Variants in DDR2 observed in about 807,000 individuals in gnomAD.
DDR2 encodes the protein discoidin domain receptor tyrosine kinase 2, also known as discoidin domain-containing receptor 2.
Under a neutral mutation model 94.9 loss-of-function variants are expected in DDR2, and 27 were observed. That is an observed-to-expected ratio of 0.28 (90% confidence interval 0.21 to 0.39). The LOEUF (loss-of-function observed/expected upper bound fraction) is 0.39, where lower values mean the gene tolerates loss of function less well. Among genes scored for constraint, DDR2 ranks in the 10% least tolerant of loss-of-function variants. The probability of loss-of-function intolerance (pLI) is 1.00; values close to 1 mark genes in which losing one functional copy is unlikely to be tolerated. For synonymous variants in DDR2, 382 were observed against 377.2 expected, an observed-to-expected ratio of 1.01 and a Z score of -0.15; for missense variants, 783 against 1,076.0, an observed-to-expected ratio of 0.73 and a Z score of 3.81.
intron 3 of DDR2, among the ~76,000 whole-genome samples, chr1:162,727,104 A>G (rs1249923886): frequency 6.9e-6 from 1 of 145,228 alleles, no homozygotes; most frequent in Non-Finnish European, 1.5e-5. Context: ...ACATTAAAAT[A>G]TAAACATATA....
intron 1 of DDR2, among the ~76,000 whole-genome samples, chr1:162,653,560 A>G (rs1657807507): frequency 6.7e-6 from 1 of 149,278 alleles, no homozygotes; most frequent in Non-Finnish European, 1.5e-5. Context: ...TCCAGCCTGG[A>G]TGATAGAATG....
intron 2 of DDR2, among the ~76,000 whole-genome samples, chr1:162,676,928 A>G (rs61811970): frequency 0.061 from 9,251 of 152,212 alleles, 350 homozygotes; most frequent in Admixed American, 0.082. Flanking sequence ...TCAGTTTTCT[A>G]TTTTCTTTAT....
At chr1:162,753,030 T>A (rs1418513719) in intron 3 of DDR2, 65 bp from the exon 4 acceptor site, 1 of 1,376,532 alleles carries the variant, frequency 7.3e-7, no homozygotes, top group Non-Finnish European at 1.0e-6. Context: ...ATATTCTTCC[T>A]AGGGGGCTTG....
At chr1:162,667,458 G>A (rs879654000) in intron 2 of DDR2, among the ~76,000 whole-genome samples, 4 of 152,282 alleles carry the variant, frequency 2.6e-5, no homozygotes, top group Admixed American at 2.6e-4. Flanking sequence ...CTGCAATAAA[G>A]CACAAGTCAA....
intron 5 of DDR2, 98 bp downstream of exon 5, chr1:162,754,953 TC>T: frequency 6.7e-7 from 1 of 1,489,552 alleles, no homozygotes; most frequent in Non-Finnish European, 9.3e-7. Flanking sequence ...GATATGTGTG[TC>T]CACAGACCAG....
chr1:162,718,126 G>T (rs1661251572), intron 2 of DDR2, among the ~76,000 whole-genome samples: 1 of 152,120 alleles, frequency 6.6e-6, no homozygotes, highest in South Asian at 2.1e-4. Flanking sequence ...ATTCAATACT[G>T]CTGTTTTTGA....
At chr1:162,657,442 G>A (rs1281414416) in intron 2 of DDR2, among the ~76,000 whole-genome samples, 2 of 152,168 alleles carry the variant, frequency 1.3e-5, no homozygotes, top group Non-Finnish European at 2.9e-5. Flanking sequence ...CATCCAATCT[G>A]GAGAACTAAT....
At chr1:162,634,502 G>GT (rs1557995179) in intron 1 of DDR2, among the ~76,000 whole-genome samples, 2 of 152,232 alleles carry the variant, frequency 1.3e-5, no homozygotes, top group African/African-American at 4.8e-5. Context: ...GGCAGCCCCT[G>GT]TGGTGCTGGG....
intron 2 of DDR2, among the ~76,000 whole-genome samples, chr1:162,671,227 G>T (rs1424848918): frequency 1.3e-5 from 2 of 152,090 alleles, no homozygotes; most frequent in East Asian, 3.9e-4. Flanking sequence ...GACTGGGAAT[G>T]AGTTCCTACT....
In DDR2 at chr1:162,786,260, C is replaced by A. The variant is rs1475532314; in HGVS notation, c.*6014C>A. 1 of 152,132 alleles carries A rather than the reference C, an allele frequency of 6.6e-6. No homozygotes were observed. Among genetic ancestry groups the A allele is most frequent in the Non-Finnish European group, 1.5e-5 (1 of 68,034 alleles). 9.4% of individuals were successfully genotyped at this position (152,132 alleles called of 1,614,324 possible). A position where few individuals can be genotyped will look rare whatever the true frequency, so the allele number is the denominator to read the frequency against. ...TATTCATGATATCCTATTCTTCTACCTTGTTGCCTGGTAACTTTTTCTGAG... is the reference window on the plus strand; with the variant it reads ...TATTCATGATATCCTATTCTTCTACATTGTTGCCTGGTAACTTTTTCTGAG... On this transcript the variant is annotated 3_prime_UTR_variant, in exon 18 of 18. Coordinates refer to ENST00000367921, the MANE Select transcript of DDR2 (RefSeq NM_006182.4).
In DDR2 at chr1:162,775,834, G is replaced by T. The variant is rs765562219; in HGVS notation, c.2039G>T (p.Arg680Leu). 7.1e-5 allele frequency: 114 copies of T among 1,613,762 alleles called. No individual in the cohort carries two copies. The highest frequency in any genetic ancestry group is 8.4e-5 in the Non-Finnish European group (99 of 1,179,966). Residue 680 changes from arginine to leucine, a missense_variant, in exon 15 of 18, where the codon CGC becomes CTC. Around this residue, in one of 2 missense-constraint regions of DDR2, gnomAD observed 264 missense variants for 428.2 expected, o/e 0.62. Coordinates refer to ENST00000367921, the MANE Select transcript of DDR2 (RefSeq NM_006182.4). ...CCTAATTCTTCCTCCAGCGATGTAC[G>T]CACTGTCAGGTAAACAAGCCAGGTC... is the stretch of plus-strand genomic sequence containing the variant. ...EPPNSSSSDV[R>L]TVSYTNLKFM...
At chr1:162,736,030 C>G (rs1484981076) in intron 3 of DDR2, among the ~76,000 whole-genome samples, 1 of 152,200 alleles carries the variant, frequency 6.6e-6, no homozygotes, top group Non-Finnish European at 1.5e-5. Flanking sequence ...GTGGCTTTCT[C>G]TGGTGCCCAG....
chr1:162,721,222 C>G (rs1205636120), intron 3 of DDR2, among the ~76,000 whole-genome samples: 4 of 152,168 alleles, frequency 2.6e-5, no homozygotes. Context: ...AATGACTAAC[C>G]AGGAGAGCTG....
chr1:162,656,833 G>GTTGTT (rs1657990644), intron 2 of DDR2, among the ~76,000 whole-genome samples: 5 of 65,692 alleles, frequency 7.6e-5, no homozygotes, highest in African/African-American at 2.4e-4. Flanking sequence ...TGCCACTGGA[G>GTTGTT]TTTTTTTTTT....
chr1:162,767,179 A>G (rs1467592927), intron 10 of DDR2, 50 bp from the exon 11 acceptor site: 1 of 1,613,582 alleles, frequency 6.2e-7, no homozygotes. Flanking sequence ...TCATACTTTT[A>G]CTTGACCTGT....
At chr1:162,762,434 A>G (rs1663790350) in intron 9 of DDR2, among the ~76,000 whole-genome samples, 1 of 152,196 alleles carries the variant, frequency 6.6e-6, no homozygotes, top group Non-Finnish European at 1.5e-5. Context: ...AGATCCTCTC[A>G]CTTTTTGTGA....
intron 3 of DDR2, among the ~76,000 whole-genome samples, chr1:162,742,974 A>G (rs906937942): frequency 1.2e-4 from 19 of 152,100 alleles, no homozygotes; most frequent in Admixed American, 3.9e-4. Flanking sequence ...ACCTCCCCCT[A>G]GGTCCCTCCC....
intron 15 of DDR2, 58 bp from the exon 16 acceptor site, chr1:162,776,078 C>T (rs1221964812): frequency 3.4e-6 from 5 of 1,467,752 alleles, no homozygotes; most frequent in Non-Finnish European, 3.8e-6. Flanking sequence ...AGAATGTGTA[C>T]CTTTCACATC....
chr1:162,705,015 G>T (rs889101180), intron 2 of DDR2: 1 of 152,168 alleles, frequency 6.6e-6, no homozygotes, highest in Non-Finnish European at 1.5e-5. Context: ...CACCCACTCC[G>T]GCCCTTCTGA....
Sources: gnomAD v4.1 joint callset for allele counts (sites outside exome capture counted in the v4.1 genomes callset) on GRCh38, gnomAD v4.1.1 for gene constraint, gnomAD v4.1.1 regional missense constraint, MANE v1.5 for transcripts, NCBI Gene and HGNC (gene_info 2026-07-23, HGNC 2026-07-21) for gene names.